The following FANCA variants were observed in gnomAD, a reference collection of about 807,000 sequenced individuals.
The protein encoded by FANCA is Fanconi anemia group A protein.
Under a neutral mutation model 194.3 loss-of-function variants are expected in FANCA, and 236 were observed. The observed-to-expected ratio is 1.21, with a 90% CI of 1.09 to 1.35. FANCA has a LOEUF of 1.35. Ranked by LOEUF, FANCA falls within the 40% of genes most tolerant of loss-of-function variation. FANCA has a pLI of 0.00. For synonymous variants in FANCA, 1,014 were observed against 715.8 expected (o/e 1.42, Z -6.65); for missense variants, 2,628 against 1,813.9 (o/e 1.45, Z -8.15).
intron 38 of FANCA, chr16:89,740,375 C>T (rs965667048): frequency 1.9e-6 from 1 of 512,856 alleles, no homozygotes; most frequent in East Asian, 3.4e-5. Context: ...TGCAGTGGCT[C>T]ATGCCTGTAA....
Position 89,758,659 on chromosome 16 carries a change from A to G in FANCA, c.2899T>C (p.Ser967Pro). The G allele has an allele frequency of 6.2e-7, 1 of 1,613,966 alleles. No homozygotes were observed. The highest frequency in any genetic ancestry group is 1.1e-5 in the South Asian group (1 of 91,086). Residue 967 changes from serine to proline, a missense_variant, in exon 30 of 43, where the codon TCC becomes CCC. Transcript: ENST00000389301. ...CCGTCACAGCCCCCTGAAGCCGAGG[A>G]CTCAGGGAGAAAGTGCTCATGGATC... ...WAIHEHFLPESSASGGCDGDL... is the reference protein window; with the variant it reads ...WAIHEHFLPEPSASGGCDGDL...
chr16:89,795,319 T>TAAATAAATA (rs1555564112), intron 11 of FANCA, among the ~76,000 whole-genome samples: 5 of 149,568 alleles, frequency 3.3e-5, no homozygotes, highest in African/African-American at 5.0e-5. Flanking sequence ...AATAAATAAA[T>TAAATAAATA]AAATAAAATA....
In FANCA at chr16:89,810,699, A is replaced by T. The variant is rs764367299; in HGVS notation, c.522+8T>A. On this transcript the variant is annotated splice_region_variant and intron_variant, in intron 5 of 42. Transcript: ENST00000389301. The stretch of plus-strand genomic sequence containing the variant: ...ACTGGAGAGTCAGATTTGCAATCTC[A>T]AATTTACCTGTATTTTCCATAATTC... 7.0e-6 allele frequency: 11 copies of T among 1,578,670 alleles called. No individual in the cohort carries two copies. The highest frequency in any genetic ancestry group is 3.3e-5 in the Admixed American group (2 of 59,960).
chr16:89,775,809 A>G lies in FANCA; in HGVS notation c.1833T>C (p.Asp611=), dbSNP rs749173228. The G allele has an allele frequency of 3.1e-6, 5 of 1,610,692 alleles. No individual in the cohort carries two copies. Among genetic ancestry groups the G allele is most frequent in the African/African-American group, 1.3e-5 (1 of 74,846 alleles). ...VAFIESLKRA[D]KIPPSLYSTY... Reference sequence around the variant, plus strand: ...TGGAGTACAGAGATGGGGGGATTTTATCTGCTCTGGATCACAGGAAAACAA... The same window carrying G: ...TGGAGTACAGAGATGGGGGGATTTTGTCTGCTCTGGATCACAGGAAAACAA... The change falls in exon 21 of 43, where the codon GAT becomes GAC. Residue 611 remains aspartate, a synonymous_variant. Coordinates refer to ENST00000389301, the MANE Select transcript of FANCA (RefSeq NM_000135.4).
At chr16:89,747,046 G>A (rs551453340) in intron 33 of FANCA, among the ~76,000 whole-genome samples, 156 bp from the exon 34 acceptor site, 2 of 152,302 alleles carry the variant, frequency 1.3e-5, no homozygotes, top group Admixed American at 6.5e-5. Context: ...CGGGCCTGGC[G>A]CCCTGGCTGT....
At chr16:89,781,969 T>C (rs553687965) in intron 17 of FANCA, among the ~76,000 whole-genome samples, 1 of 150,454 alleles carries the variant, frequency 6.6e-6, no homozygotes, top group East Asian at 2.0e-4. Flanking sequence ...ACTGCGCCAC[T>C]GCACTCCAGC....
chr16:89,767,966 T>G (rs1052651467), intron 26 of FANCA, among the ~76,000 whole-genome samples: 1 of 152,112 alleles, frequency 6.6e-6, no homozygotes, highest in African/African-American at 2.4e-5. Context: ...GATTACAGCG[T>G]TAGCCACCGT....
chr16:89,770,465 G>T, intron 24 of FANCA, 99 bp downstream of exon 24: 1 of 1,218,816 alleles, frequency 8.2e-7, no homozygotes, highest in Non-Finnish European at 1.2e-6. Flanking sequence ...GCATGCTCCT[G>T]CGGAGACGAG....
intron 40 of FANCA, 83 bp from the exon 41 acceptor site, chr16:89,739,372 G>T (rs1400296929): frequency 1.5e-5 from 24 of 1,590,572 alleles, no homozygotes; most frequent in Middle Eastern, 1.8e-4. Context: ...CTCATCTGTG[G>T]AGCAGAGGCA....
chr16:89,759,320 A>T (rs1285212360), intron 29 of FANCA, among the ~76,000 whole-genome samples: 1,311 of 30,860 alleles, frequency 0.042, 308 homozygotes, highest in African/African-American at 0.22. Flanking sequence ...ACTCCGTCTA[A>T]AAAAAAAAAA....
rs1438504317 is a variant in FANCA at position 89,752,216 on chromosome 16, C to A, written c.2988G>T (p.Arg996Ser). The change falls in exon 31 of 43, where the codon AGG (arginine) becomes AGT (serine). Residue 996 changes from arginine to serine, a missense_variant. Arg to Ser is a moderately radical substitution (Grantham distance 110). Coordinates refer to ENST00000389301, the MANE Select transcript of FANCA (RefSeq NM_000135.4). ...NALMDFHQSSRSYDHSENSDL... is the reference protein window; with the variant it reads ...NALMDFHQSSSSYDHSENSDL... The stretch of plus-strand genomic sequence containing the variant: ...CAGAATTTTCTGAGTGGTCATAACT[C>A]CTTGAGCTGAAATGAAAATACAATA... 2 of 1,613,462 alleles carry A rather than the reference C, an allele frequency of 1.2e-6. No homozygotes were observed. The highest frequency in any genetic ancestry group is 1.7e-6 in the Non-Finnish European group (2 of 1,179,466).
At chr16:89,780,759 T>C (rs1232042879) in intron 17 of FANCA, among the ~76,000 whole-genome samples, 3 of 151,952 alleles carry the variant, frequency 2.0e-5, no homozygotes, top group Non-Finnish European at 4.4e-5. Flanking sequence ...GGAGACCCTA[T>C]GTCTGCAAAA....
At chr16:89,796,203 G>C (rs887088709) in intron 10 of FANCA, among the ~76,000 whole-genome samples, 185 bp from the exon 11 acceptor site, 1 of 152,208 alleles carries the variant, frequency 6.6e-6, no homozygotes, top group Admixed American at 6.5e-5. Context: ...AACGAGAAAG[G>C]GGGCAAGGCA....
intron 33 of FANCA, 73 bp downstream of exon 33, chr16:89,748,586 G>C (rs770734431): frequency 2.6e-6 from 3 of 1,137,066 alleles, no homozygotes; most frequent in Admixed American, 1.8e-5. Flanking sequence ...TACACGCATG[G>C]AGGCTGCAAG....
intron 3 of FANCA, among the ~76,000 whole-genome samples, chr16:89,813,701 G>A (rs185870372): frequency 6.6e-6 from 1 of 152,246 alleles, no homozygotes; most frequent in Non-Finnish European, 1.5e-5. Context: ...CCAAAGTGCT[G>A]CGATTATAGG....
intron 18 of FANCA, among the ~76,000 whole-genome samples, chr16:89,779,511 A>T (rs1455076882): frequency 1.3e-5 from 2 of 152,018 alleles, no homozygotes; most frequent in South Asian, 2.1e-4. Flanking sequence ...CAAGCTCCCC[A>T]ATCAGCAGTT....
chr16:89,780,792 TG>T (rs1157626308), intron 17 of FANCA, among the ~76,000 whole-genome samples: 1 of 151,988 alleles, frequency 6.6e-6, no homozygotes, highest in Non-Finnish European at 1.5e-5. Flanking sequence ...CAGCCAGGCA[TG>T]GTGGCGCACA....
chr16:89,800,519 C>T (rs1356646818), intron 8 of FANCA, among the ~76,000 whole-genome samples: 2 of 152,118 alleles, frequency 1.3e-5, no homozygotes, highest in East Asian at 1.9e-4. Flanking sequence ...TATCAAAATA[C>T]CAATAACGTT....
intron 42 of FANCA, 37 bp downstream of exon 42, chr16:89,738,820 GCCCAGGCAGCTGTCAATTCTCATGT>G (rs1323680036): frequency 3.7e-6 from 6 of 1,613,924 alleles, no homozygotes; most frequent in Non-Finnish European, 5.1e-6. Context: ...CAGGCACATG[GCCCAGGCAGCTGTCAATTCTCATGT>G]CCCCCACATG....
Sources: gnomAD v4.1 joint callset for allele counts (sites outside exome capture counted in the v4.1 genomes callset) on GRCh38, gnomAD v4.1.1 for gene constraint, MANE v1.5 for transcripts, NCBI Gene and HGNC (gene_info 2026-07-23, HGNC 2026-07-21) for gene names.